WNT9A: variants seen among roughly 807,000 people sequenced by gnomAD.
WNT9A encodes the protein Wnt family member 9A, also known as protein Wnt-9a.
WNT9A carries 8 observed loss-of-function variants against 31.4 expected under a neutral mutation model. The ratio of observed to expected loss-of-function variants is 0.26; its 90% CI spans 0.15 to 0.46. The LOEUF (loss-of-function observed/expected upper bound fraction) is 0.46. WNT9A is among the 20% of genes least tolerant of loss of function. WNT9A has a pLI of 0.99. For missense variants in WNT9A, 457 were observed against 522.9 expected (o/e 0.87, Z 1.23); for synonymous variants, 236 against 220.1 (o/e 1.07, Z -0.64).
chr1:227,939,868 C>G (rs79907584), intron 1 of WNT9A, among the ~76,000 whole-genome samples: 9,231 of 152,294 alleles, frequency 0.061, 929 homozygotes, highest in African/African-American at 0.21. Context: ...TCTCCACCCT[C>G]CCCGTGGTCT....
intron 1 of WNT9A, among the ~76,000 whole-genome samples, chr1:227,944,581 A>G (rs749769620): frequency 1.4e-4 from 22 of 152,080 alleles, no homozygotes; most frequent in Non-Finnish European, 2.9e-4. Context: ...CCCAATTCAC[A>G]GTGGTCACTC....
At chr1:227,938,246 CAT>C (rs983118002) in intron 1 of WNT9A, among the ~76,000 whole-genome samples, 30 of 150,956 alleles carry the variant, frequency 2.0e-4, no homozygotes, top group South Asian at 8.4e-4. Context: ...CACGGACACA[CAT>C]GTGTACACAC....
At chr1:227,924,711 C>T (rs1390016887) in intron 2 of WNT9A, among the ~76,000 whole-genome samples, 5 of 152,242 alleles carry the variant, frequency 3.3e-5, no homozygotes. Flanking sequence ...TTGGCAAGGC[C>T]TGCCTGGCCC....
chr1:227,933,369 A>G (rs1666542211), intron 1 of WNT9A, among the ~76,000 whole-genome samples: 1 of 152,236 alleles, frequency 6.6e-6, no homozygotes, highest in Non-Finnish European at 1.5e-5. Flanking sequence ...GCTTTGGCTT[A>G]AGGGAATGCT....
chr1:227,943,776 A>C (rs572526182), intron 1 of WNT9A, among the ~76,000 whole-genome samples: 8 of 152,324 alleles, frequency 5.3e-5, no homozygotes, highest in African/African-American at 1.9e-4. Flanking sequence ...GGAGTTCAAA[A>C]TCAGCCTGGA....
At chr1:227,923,035 C>G (rs1666350788) in intron 3 of WNT9A, among the ~76,000 whole-genome samples, 1 of 152,102 alleles carries the variant, frequency 6.6e-6, no homozygotes, top group Non-Finnish European at 1.5e-5. Flanking sequence ...TACAAAGCGG[C>G]GAAGAGGGGA....
chr1:227,921,330 C>T lies in WNT9A; in HGVS notation c.*188G>A. 1.1e-6 allele frequency: 1 copy of T among 884,844 alleles called. No homozygotes were observed. Among genetic ancestry groups the T allele is most frequent in the South Asian group, 1.8e-5 (1 of 54,332 alleles). 54.8% of individuals were successfully genotyped at this position (884,844 alleles called of 1,614,324 possible). ...TAGGACTGAGCCCAGGGACTCACCC[C>T]ACGCTGCTAGGTCTGAGCCCAGGGA... On this transcript the variant is annotated 3_prime_UTR_variant, in exon 4 of 4. Transcript: ENST00000272164.
Position 227,942,154 on chromosome 1 carries a change from C to T in WNT9A, c.95+5639G>A, listed in dbSNP as rs1315270048. ...GGGCCCTCTGCAGCCTGCAGCAGGGCGGGAGCAAGATGAGGCCAGCTGTCT... is the reference window on the plus strand; with the variant it reads ...GGGCCCTCTGCAGCCTGCAGCAGGGTGGGAGCAAGATGAGGCCAGCTGTCT... On this transcript the variant is annotated intron_variant, in intron 1 of 3. Coordinates refer to ENST00000272164, the MANE Select transcript of WNT9A (RefSeq NM_003395.4). This position sits in a 1 kb window ranked among gnomAD's most constrained non-coding sequence, Gnocchi z 5.7. 6.6e-6 allele frequency among the ~76,000 whole-genome samples: 1 copy of T among 152,252 alleles called. No homozygotes were observed. The highest frequency in any genetic ancestry group is 1.5e-5 in the Non-Finnish European group (1 of 67,988).
chr1:227,924,405 G>T lies in WNT9A; in HGVS notation c.353-5C>A. 1 of 1,607,642 alleles carries T rather than the reference G, an allele frequency of 6.2e-7. No homozygotes were observed. ...GGAAGGCAGTCTCCTTGAAGCCTGG[G>T]GTTGGCAAGGGCCGATCAGTGAGCC... On this transcript the variant is annotated splice_region_variant and splice_polypyrimidine_tract_variant and intron_variant, in intron 2 of 3. Transcript: ENST00000272164.
chr1:227,947,540 T>G (rs1432679711), intron 1 of WNT9A, among the ~76,000 whole-genome samples: 1 of 151,234 alleles, frequency 6.6e-6, no homozygotes, highest in Non-Finnish European at 1.5e-5. Flanking sequence ...CGGCGGCGAC[T>G]ACGACGACGA....
Position 227,926,946 on chromosome 1 carries a change from C to T in WNT9A, c.96-1427G>A, listed in dbSNP as rs2102720220. Among the ~76,000 whole-genome samples, 1 of 152,226 alleles carries T rather than the reference C, an allele frequency of 6.6e-6. No individual in the cohort carries two copies. The highest frequency in any genetic ancestry group is 6.5e-5 in the Admixed American group (1 of 15,294). ...CAAGGCTACTGAGGGGCACCTGCCT[C>T]CAGGGCCACAGGCGCAGGCCACAGA... On this transcript the variant is annotated intron_variant, in intron 1 of 3. Coordinates refer to ENST00000272164, the MANE Select transcript of WNT9A (RefSeq NM_003395.4). The surrounding 1 kb of genome is among the most constrained non-coding windows in gnomAD (Gnocchi z 5.0).
At chr1:227,940,481 A>T (rs531253807) in intron 1 of WNT9A, among the ~76,000 whole-genome samples, 22 of 151,718 alleles carry the variant, frequency 1.5e-4, no homozygotes, top group Admixed American at 1.4e-3. Context: ...TCTGGAGCTC[A>T]CTCTCCTGTA....
chr1:227,947,440 G>A (rs1666812875), intron 1 of WNT9A, among the ~76,000 whole-genome samples: 1 of 152,182 alleles, frequency 6.6e-6, no homozygotes, highest in Admixed American at 6.5e-5. Flanking sequence ...AGGGGCTGAG[G>A]ACTCAGGCTC....
intron 3 of WNT9A, 145 bp downstream of exon 3, chr1:227,923,993 G>C: frequency 2.5e-6 from 3 of 1,189,376 alleles, no homozygotes; most frequent in Non-Finnish European, 3.5e-6. Context: ...GGCGCTGCAC[G>C]GCCTCCACCC....
chr1:227,941,904 G>A (rs571968604), intron 1 of WNT9A, among the ~76,000 whole-genome samples: 2 of 152,216 alleles, frequency 1.3e-5, no homozygotes, highest in African/African-American at 4.8e-5. Context: ...CGCGACCGAG[G>A]CCTGTCAACA....
intron 1 of WNT9A, among the ~76,000 whole-genome samples, chr1:227,935,726 C>T (rs1378726314): frequency 2.0e-5 from 3 of 152,134 alleles, no homozygotes; most frequent in African/African-American, 7.2e-5. Context: ...ATCCTCTTTT[C>T]CTCTTTTTGG....
chr1:227,936,376 G>C (rs758498230), intron 1 of WNT9A, among the ~76,000 whole-genome samples: 1 of 152,120 alleles, frequency 6.6e-6, no homozygotes, highest in Non-Finnish European at 1.5e-5. Context: ...ATTTTTAGTA[G>C]AGACGGGGTT....
rs1200801432 is a variant in WNT9A at position 227,926,361 on chromosome 1, C to T, written c.96-842G>A. 6.6e-6 allele frequency among the ~76,000 whole-genome samples: 1 copy of T among 152,116 alleles called. No individual in the cohort carries two copies. Among genetic ancestry groups the T allele is most frequent in the Admixed American group, 6.5e-5 (1 of 15,284 alleles). On this transcript the variant is annotated intron_variant, in intron 1 of 3. Transcript: ENST00000272164. This position sits in a 1 kb window ranked among gnomAD's most constrained non-coding sequence, Gnocchi z 5.0. ...TCCACCCCACTGGGTGCCCCCTCCC[C>T]CCAGCTGGCTGCTGGCTCACCTGCT...
chr1:227,933,724 C>T (rs1666546574), intron 1 of WNT9A, among the ~76,000 whole-genome samples: 1 of 152,164 alleles, frequency 6.6e-6, no homozygotes, highest in Admixed American at 6.5e-5. Flanking sequence ...CCTTGACATG[C>T]AATGGCACCA....
Sources: gnomAD v4.1 joint callset for allele counts (sites outside exome capture counted in the v4.1 genomes callset) on GRCh38, gnomAD v4.1.1 for gene constraint, Gnocchi (gnomAD v3.1) non-coding constraint, MANE v1.5 for transcripts, NCBI Gene and HGNC (gene_info 2026-07-23, HGNC 2026-07-21) for gene names.